ARB2A: variants seen among roughly 807,000 people sequenced by gnomAD.
ARB2A encodes cotranscriptional regulator ARB2A.
the ARB2A span, among the ~76,000 whole-genome samples, chr5:93,812,941 G>T: frequency 6.6e-6 from 1 of 152,192 alleles, no homozygotes; most frequent in South Asian, 2.1e-4. Flanking sequence ...GAGCCCCCAA[G>T]ATGGGGTTAG....
At chr5:93,845,427 T>C in the ARB2A span, among the ~76,000 whole-genome samples, 2 of 152,318 alleles carry the variant, frequency 1.3e-5, no homozygotes, top group South Asian at 2.1e-4. Flanking sequence ...GGATTTTTCT[T>C]AGAAGCTTGA....
the ARB2A span, among the ~76,000 whole-genome samples, chr5:93,983,728 A>G: frequency 6.6e-6 from 1 of 152,212 alleles, no homozygotes; most frequent in Non-Finnish European, 1.5e-5. Context: ...CATCACCAAT[A>G]CTGGAACAGG....
At chr5:94,001,539 G>A in the ARB2A span, among the ~76,000 whole-genome samples, 4 of 151,782 alleles carry the variant, frequency 2.6e-5, no homozygotes, top group Admixed American at 6.6e-5. Context: ...TTTTAGTTTT[G>A]GGGGTTTCAA....
the ARB2A span, among the ~76,000 whole-genome samples, chr5:94,007,545 G>A: frequency 4.6e-5 from 7 of 152,102 alleles, no homozygotes; most frequent in Non-Finnish European, 8.8e-5. Flanking sequence ...GGCCAAGGCG[G>A]GCAGATCACT....
the ARB2A span, among the ~76,000 whole-genome samples, chr5:93,977,676 T>C: frequency 6.6e-6 from 1 of 152,074 alleles, no homozygotes; most frequent in Non-Finnish European, 1.5e-5. Context: ...GAAGAGAACC[T>C]AGGAAATACT....
chr5:93,646,197 T>A, the ARB2A span, among the ~76,000 whole-genome samples: 3 of 152,136 alleles, frequency 2.0e-5, no homozygotes, highest in African/African-American at 7.2e-5. Flanking sequence ...AAATTTCAAA[T>A]GAAAACGATT....
chr5:93,874,501 A>G, the ARB2A span, among the ~76,000 whole-genome samples: 2 of 152,200 alleles, frequency 1.3e-5, no homozygotes, highest in Admixed American at 1.3e-4. Flanking sequence ...ACAGAAGCTC[A>G]GTATGCCCTT....
the ARB2A span, among the ~76,000 whole-genome samples, chr5:93,978,307 T>A: frequency 6.6e-6 from 1 of 152,154 alleles, no homozygotes. Context: ...AAAAGATACC[T>A]GCACTCATAT....
At chr5:94,009,396 T>A in the ARB2A span, among the ~76,000 whole-genome samples, 1 of 151,962 alleles carries the variant, frequency 6.6e-6, no homozygotes, top group South Asian at 2.1e-4. Context: ...CTACTCAAAG[T>A]TCCCCAGTAT....
At chr5:93,709,903 T>C in the ARB2A span, among the ~76,000 whole-genome samples, 1 of 152,146 alleles carries the variant, frequency 6.6e-6, no homozygotes, top group East Asian at 1.9e-4. Flanking sequence ...CTTCACAGTA[T>C]AAAACTTTTA....
chr5:93,915,855 T>C, the ARB2A span, among the ~76,000 whole-genome samples: 1 of 152,030 alleles, frequency 6.6e-6, no homozygotes, highest in Non-Finnish European at 1.5e-5. Flanking sequence ...AAGGATTCTA[T>C]ATAGAAGCAT....
At chr5:93,669,922 C>T in the ARB2A span, among the ~76,000 whole-genome samples, 7 of 152,100 alleles carry the variant, frequency 4.6e-5, no homozygotes, top group Non-Finnish European at 1.0e-4. Flanking sequence ...AGACTATTTC[C>T]TTAAATAAAG....
At chr5:93,801,664 G>T in the ARB2A span, among the ~76,000 whole-genome samples, 1 of 151,984 alleles carries the variant, frequency 6.6e-6, no homozygotes, top group African/African-American at 2.4e-5. Context: ...ACATGTGAGG[G>T]CACATGCACA....
chr5:94,068,713 A>G, the ARB2A span, among the ~76,000 whole-genome samples: 1 of 152,020 alleles, frequency 6.6e-6, no homozygotes, highest in Admixed American at 6.6e-5. Flanking sequence ...CCCATGTTTA[A>G]AAGTGGGTGC....
At chr5:94,004,998 CAAAAA>C in the ARB2A span, among the ~76,000 whole-genome samples, 18 of 12,552 alleles carry the variant, frequency 1.4e-3, no homozygotes, top group African/African-American at 3.9e-3. Context: ...ATTTTATCAG[CAAAAA>C]AAAAAAAAAA....
At chr5:93,775,098 G>A in the ARB2A span, among the ~76,000 whole-genome samples, 1 of 151,988 alleles carries the variant, frequency 6.6e-6, no homozygotes, top group African/African-American at 2.4e-5. Flanking sequence ...TAGTGGTTCT[G>A]TCTCTGTGGT....
At chr5:93,752,683 A>G in the ARB2A span, among the ~76,000 whole-genome samples, 1 of 152,198 alleles carries the variant, frequency 6.6e-6, no homozygotes, top group Non-Finnish European at 1.5e-5. Flanking sequence ...TACTCAGGGC[A>G]AATGATTATA....
the ARB2A span, among the ~76,000 whole-genome samples, chr5:93,680,093 T>A: frequency 6.6e-6 from 1 of 152,206 alleles, no homozygotes; most frequent in East Asian, 1.9e-4. Flanking sequence ...AAAATTTCAG[T>A]CCTAATATTA....
the ARB2A span, among the ~76,000 whole-genome samples, chr5:93,830,311 G>GGATATATA: frequency 2.4e-5 from 2 of 82,270 alleles, no homozygotes; most frequent in African/African-American, 1.0e-4. Context: ...GTGTGTGTGT[G>GGATATATA]TATATATATA....
Sources: gnomAD v4.1 joint callset for allele counts (sites outside exome capture counted in the v4.1 genomes callset) on GRCh38, gnomAD v4.1.1 for gene constraint, MANE v1.5 for transcripts, NCBI Gene and HGNC (gene_info 2026-07-23, HGNC 2026-07-21) for gene names.